Variants in CENPW observed in about 807,000 individuals in gnomAD.
CENPW encodes the protein cancer-up-regulated gene 2 protein.
In CENPW, 3 loss-of-function variants were observed where a neutral mutation model predicts 11.1. The ratio of observed to expected loss-of-function variants is 0.27; its 90% CI spans 0.12 to 0.70. The LOEUF is 0.70. Ranked by LOEUF, CENPW falls within the 30% of genes least tolerant of loss-of-function variation. The pLI, the probability that CENPW is intolerant of heterozygous loss-of-function variation, is 0.77. For synonymous variants in CENPW, 38 were observed against 42.0 expected, an observed-to-expected ratio of 0.91 and a Z score of 0.37; for missense variants, 100 against 105.6, an observed-to-expected ratio of 0.95 and a Z score of 0.23.
the CENPW span, among the ~76,000 whole-genome samples, chr6:126,469,355 C>T: frequency 6.6e-6 from 1 of 152,190 alleles, no homozygotes; most frequent in Non-Finnish European, 1.5e-5. Context: ...TGCTTCCCCT[C>T]CATCTTCTGC....
At chr6:126,389,532 G>A in the CENPW span, among the ~76,000 whole-genome samples, 13 of 151,808 alleles carry the variant, frequency 8.6e-5, no homozygotes, top group Middle Eastern at 3.4e-3. Flanking sequence ...AGTTTACATT[G>A]TCAGGGCAAT....
the CENPW span, among the ~76,000 whole-genome samples, chr6:126,423,034 C>T: frequency 1.3e-5 from 2 of 152,056 alleles, no homozygotes; most frequent in South Asian, 2.1e-4. Flanking sequence ...GTTTTGTCAC[C>T]ATTTTCAAGA....
At chr6:126,395,540 G>T in the CENPW span, among the ~76,000 whole-genome samples, 1 of 152,070 alleles carries the variant, frequency 6.6e-6, no homozygotes, top group African/African-American at 2.4e-5. Context: ...TTGGTCTTTG[G>T]TGCCTTATTT....
At chr6:126,348,237 A>G (rs1467650781) in intron 2 of CENPW, among the ~76,000 whole-genome samples, 1 of 152,010 alleles carries the variant, frequency 6.6e-6, no homozygotes, top group Admixed American at 6.5e-5. Flanking sequence ...GGTTTTTAGA[A>G]TCTAGGCATG....
chr6:126,465,902 A>G, the CENPW span, among the ~76,000 whole-genome samples: 1 of 152,136 alleles, frequency 6.6e-6, no homozygotes, highest in Non-Finnish European at 1.5e-5. Flanking sequence ...TAAGTCTCTT[A>G]TTTTACACCA....
chr6:126,366,391 T>G, the CENPW span, among the ~76,000 whole-genome samples: 1 of 152,182 alleles, frequency 6.6e-6, no homozygotes, highest in East Asian at 1.9e-4. Flanking sequence ...GTTAAACCAT[T>G]GAAGTTTCTG....
chr6:126,397,373 GT>G, the CENPW span, among the ~76,000 whole-genome samples: 1 of 152,138 alleles, frequency 6.6e-6, no homozygotes, highest in East Asian at 1.9e-4. Context: ...AGGACTCTGT[GT>G]TCTTCCTCCT....
chr6:126,394,294 TC>T, the CENPW span, among the ~76,000 whole-genome samples: 9 of 152,062 alleles, frequency 5.9e-5, no homozygotes, highest in African/African-American at 1.7e-4. Flanking sequence ...TTTTTGTCTA[TC>T]CATTGTATGT....
the CENPW span, among the ~76,000 whole-genome samples, chr6:126,375,688 T>C: frequency 2.6e-5 from 4 of 152,260 alleles, no homozygotes; most frequent in South Asian, 8.3e-4. Flanking sequence ...CCTATTTTAC[T>C]TCTTGCTCTA....
At chr6:126,438,792 T>C in the CENPW span, among the ~76,000 whole-genome samples, 4 of 151,836 alleles carry the variant, frequency 2.6e-5, no homozygotes, top group South Asian at 4.1e-4. Flanking sequence ...GAGATAGGAC[T>C]TAAAGATTCA....
chr6:126,476,327 G>A, the CENPW span, among the ~76,000 whole-genome samples: 4 of 151,814 alleles, frequency 2.6e-5, no homozygotes, highest in Admixed American at 6.6e-5. Context: ...TAAACATGAC[G>A]AAGATTAGTA....
the CENPW span, among the ~76,000 whole-genome samples, chr6:126,370,803 A>G: frequency 6.7e-6 from 1 of 149,658 alleles, no homozygotes; most frequent in Non-Finnish European, 1.5e-5. Context: ...CCCAGGCTGG[A>G]GTGCAGTGGC....
the CENPW span, among the ~76,000 whole-genome samples, chr6:126,362,728 T>C: frequency 6.6e-6 from 1 of 152,184 alleles, no homozygotes; most frequent in Non-Finnish European, 1.5e-5. Flanking sequence ...TCTAAGTCTC[T>C]GTAGCATTTA....
intron 1 of CENPW, among the ~76,000 whole-genome samples, chr6:126,344,542 GCTACCAAAATAAATGGGCTATCATT>G (rs2128289688): frequency 6.6e-6 from 1 of 152,268 alleles, no homozygotes; most frequent in East Asian, 1.9e-4. Flanking sequence ...GGGTGTTTTT[GCTACCAAAATAAATGGGCTATCATT>G]GAAAGTTTAA....
the CENPW span, among the ~76,000 whole-genome samples, chr6:126,464,878 A>G: frequency 1.3e-5 from 2 of 152,194 alleles, no homozygotes; most frequent in African/African-American, 4.8e-5. Context: ...TGACTAACAC[A>G]GGCACCTATG....
At chr6:126,422,912 T>A in the CENPW span, among the ~76,000 whole-genome samples, 1 of 152,112 alleles carries the variant, frequency 6.6e-6, no homozygotes, top group Admixed American at 6.6e-5. Context: ...TCTGAAGTAA[T>A]AAAGCTAGAA....
At chr6:126,441,171 T>C in the CENPW span, among the ~76,000 whole-genome samples, 3 of 151,426 alleles carry the variant, frequency 2.0e-5, no homozygotes, top group East Asian at 5.9e-4. Flanking sequence ...ATCCTGATAG[T>C]GGAGGCAATT....
intron 1 of CENPW, among the ~76,000 whole-genome samples, chr6:126,341,506 G>T (rs1780310615): frequency 6.6e-6 from 1 of 152,002 alleles, no homozygotes; most frequent in South Asian, 2.1e-4. Context: ...TTTGGTCTCT[G>T]AAGCCAAAAC....
chr6:126,466,428 A>G, the CENPW span, among the ~76,000 whole-genome samples: 1 of 152,144 alleles, frequency 6.6e-6, no homozygotes. Context: ...GAATTGAACA[A>G]TTAAGTAAAT....
Sources: gnomAD v4.1 joint callset for allele counts (sites outside exome capture counted in the v4.1 genomes callset) on GRCh38, gnomAD v4.1.1 for gene constraint, MANE v1.5 for transcripts, NCBI Gene and HGNC (gene_info 2026-07-23, HGNC 2026-07-21) for gene names.